FBXL17: variants seen among roughly 807,000 people sequenced by gnomAD.
FBXL17 encodes the protein F-box/LRR-repeat protein 17.
FBXL17 carries 22 observed loss-of-function variants against 66.2 expected under a neutral mutation model. That is an observed-to-expected ratio of 0.33 (90% CI 0.24 to 0.47). The LOEUF (loss-of-function observed/expected upper bound fraction) is 0.47, where lower values mean the gene tolerates loss of function less well. FBXL17 is among the 20% of genes least tolerant of loss of function. The pLI is 1.00. For missense variants in FBXL17, 878 were observed against 948.2 expected (o/e 0.93, Z 0.97); for synonymous variants, 474 against 400.5 (o/e 1.18, Z -2.19).
intron 7 of FBXL17, among the ~76,000 whole-genome samples, chr5:107,916,833 G>T (rs1327204780): frequency 6.6e-6 from 1 of 152,120 alleles, no homozygotes; most frequent in Non-Finnish European, 1.5e-5. Context: ...ATGAGAAAAT[G>T]CCTCAAACAT....
intron 1 of FBXL17, among the ~76,000 whole-genome samples, chr5:108,377,007 T>C (rs1749473074): frequency 6.6e-6 from 1 of 152,164 alleles, no homozygotes; most frequent in Admixed American, 6.5e-5. Flanking sequence ...TGTGACTACA[T>C]CTGTTCAGAT....
intron 7 of FBXL17, among the ~76,000 whole-genome samples, chr5:107,902,433 A>C (rs553133090): frequency 1.3e-5 from 2 of 152,216 alleles, no homozygotes; most frequent in Non-Finnish European, 2.9e-5. Flanking sequence ...CTGGCAATCT[A>C]CTAATGCAGC....
At chr5:108,195,695 A>T (rs559180943) in intron 5 of FBXL17, among the ~76,000 whole-genome samples, 1 of 152,322 alleles carries the variant, frequency 6.6e-6, no homozygotes, top group Admixed American at 6.5e-5. Flanking sequence ...GCTATATTGA[A>T]TTAATCCAGT....
intron 5 of FBXL17, among the ~76,000 whole-genome samples, chr5:108,209,686 T>C (rs946055298): frequency 1.3e-5 from 2 of 152,208 alleles, no homozygotes; most frequent in African/African-American, 4.8e-5. Context: ...GATAAGCTTT[T>C]TGATGTGCTG....
chr5:108,357,318 CAA>C (rs1196254785), intron 3 of FBXL17, among the ~76,000 whole-genome samples: 4 of 151,916 alleles, frequency 2.6e-5, no homozygotes, highest in Non-Finnish European at 5.9e-5. Flanking sequence ...ATTCATCTCA[CAA>C]AAGAGTGTCA....
At chr5:107,876,764 A>T (rs951134508) in intron 8 of FBXL17, among the ~76,000 whole-genome samples, 5 of 152,202 alleles carry the variant, frequency 3.3e-5, no homozygotes, top group Non-Finnish European at 7.3e-5. Flanking sequence ...CTTATAAGAA[A>T]AAGAAAATAT....
chr5:108,025,725 G>GCACA (rs1423190153), intron 6 of FBXL17, among the ~76,000 whole-genome samples: 4 of 120,554 alleles, frequency 3.3e-5, no homozygotes, highest in African/African-American at 1.4e-4. Flanking sequence ...ACACGCGCGC[G>GCACA]CGCACACACA....
intron 4 of FBXL17, among the ~76,000 whole-genome samples, chr5:108,338,944 CACCTGTAT>C (rs1445994099): frequency 6.6e-6 from 1 of 152,134 alleles, no homozygotes; most frequent in Non-Finnish European, 1.5e-5. Context: ...ATAGGAACAT[CACCTGTAT>C]ATCTTTGCCT....
intron 8 of FBXL17, among the ~76,000 whole-genome samples, chr5:107,871,745 AT>A (rs1424363714): frequency 6.7e-6 from 1 of 150,314 alleles, no homozygotes; most frequent in African/African-American, 2.4e-5. Flanking sequence ...ATGATCAGCA[AT>A]TTGAAAAAAA....
At chr5:107,897,240 G>A (rs1749414300) in intron 7 of FBXL17, among the ~76,000 whole-genome samples, 1 of 152,036 alleles carries the variant, frequency 6.6e-6, no homozygotes, top group Admixed American at 6.6e-5. Context: ...GGAAAAAAAT[G>A]CCACAAAAAA....
chr5:108,100,059 A>G (rs1057375879), intron 6 of FBXL17, among the ~76,000 whole-genome samples: 4 of 152,204 alleles, frequency 2.6e-5, no homozygotes, highest in African/African-American at 9.7e-5. Context: ...TATCTCAATG[A>G]CCTAAGCATT....
chr5:108,293,929 T>G (rs2150166698), intron 4 of FBXL17, among the ~76,000 whole-genome samples: 1 of 149,366 alleles, frequency 6.7e-6, no homozygotes, highest in Non-Finnish European at 1.5e-5. Flanking sequence ...TAATTCCAGC[T>G]ACTTGGGAGG....
intron 6 of FBXL17, among the ~76,000 whole-genome samples, chr5:108,097,606 T>C (rs1271427257): frequency 6.6e-6 from 1 of 151,798 alleles, no homozygotes; most frequent in Non-Finnish European, 1.5e-5. Flanking sequence ...CTGACCAACA[T>C]GGTGAAACCC....
At chr5:108,309,431 T>TA (rs954511512) in intron 4 of FBXL17, among the ~76,000 whole-genome samples, 18 of 151,594 alleles carry the variant, frequency 1.2e-4, no homozygotes, top group East Asian at 3.9e-4. Flanking sequence ...ACCTTTATTT[T>TA]AAAAAAAAGG....
chr5:107,891,497 C>T (rs540337978), intron 7 of FBXL17, among the ~76,000 whole-genome samples: 1 of 152,168 alleles, frequency 6.6e-6, no homozygotes, highest in Non-Finnish European at 1.5e-5. Context: ...TGCAATTATC[C>T]AAGCAAGAAG....
chr5:108,347,703 T>A (rs1308402280), intron 4 of FBXL17, among the ~76,000 whole-genome samples: 1 of 152,142 alleles, frequency 6.6e-6, no homozygotes, highest in African/African-American at 2.4e-5. Context: ...GGATAGCTAA[T>A]GGGCACAGGA....
intron 4 of FBXL17, among the ~76,000 whole-genome samples, chr5:108,275,534 T>C (rs1757449645): frequency 6.6e-6 from 1 of 152,200 alleles, no homozygotes; most frequent in African/African-American, 2.4e-5. Context: ...TGTTTTACTA[T>C]CTTTGCTATC....
intron 6 of FBXL17, among the ~76,000 whole-genome samples, chr5:108,032,444 G>T (rs1382303449): frequency 6.6e-6 from 1 of 152,116 alleles, no homozygotes; most frequent in Non-Finnish European, 1.5e-5. Context: ...TCCATGGAAA[G>T]AGTGTCTGCA....
At chr5:108,030,204 G>T (rs1469965130) in intron 6 of FBXL17, among the ~76,000 whole-genome samples, 6 of 152,038 alleles carry the variant, frequency 3.9e-5, no homozygotes, top group Admixed American at 3.9e-4. Context: ...AATCACAAAA[G>T]TCCAGGTTGC....
Sources: gnomAD v4.1 joint callset for allele counts (sites outside exome capture counted in the v4.1 genomes callset) on GRCh38, gnomAD v4.1.1 for gene constraint, MANE v1.5 for transcripts, NCBI Gene and HGNC (gene_info 2026-07-23, HGNC 2026-07-21) for gene names.